The following WDR59 variants were observed in gnomAD, a reference collection of about 807,000 sequenced individuals.
The protein encoded by WDR59 is WD repeat domain 59, also known as GATOR2 complex protein WDR59.
In WDR59, 100 loss-of-function variants were observed where a neutral mutation model predicts 131.2. That is an observed-to-expected ratio of 0.76 (90% CI 0.65 to 0.90). WDR59 has a LOEUF of 0.90. Ranked by LOEUF, WDR59 falls within the 40% of genes least tolerant of loss-of-function variation. The pLI is 0.00. For missense variants in WDR59, 1,203 were observed against 1,262.2 expected (o/e 0.95, Z 0.71); for synonymous variants, 601 against 466.2 (o/e 1.29, Z -3.72).
chr16:74,947,603 A>C (rs1253720427), intron 6 of WDR59, among the ~76,000 whole-genome samples: 1 of 152,184 alleles, frequency 6.6e-6, no homozygotes, highest in African/African-American at 2.4e-5. Context: ...TTTGTAACTA[A>C]AAAAAGAGAG....
chr16:74,936,918 A>T (rs993511507), intron 8 of WDR59, among the ~76,000 whole-genome samples: 1 of 152,166 alleles, frequency 6.6e-6, no homozygotes, highest in Non-Finnish European at 1.5e-5. Context: ...ATAACTTACA[A>T]CCCTAAGAGA....
At chr16:74,886,460 G>C (rs975534298) in intron 23 of WDR59, 64 bp from the exon 24 acceptor site, 2 of 1,588,220 alleles carry the variant, frequency 1.3e-6, no homozygotes, top group Middle Eastern at 2.3e-4. Context: ...TATCTGAAGA[G>C]TCTCATAAGA....
At chr16:74,904,540 G>C (rs1366561991) in intron 17 of WDR59, among the ~76,000 whole-genome samples, 1 of 152,180 alleles carries the variant, frequency 6.6e-6, no homozygotes, top group East Asian at 1.9e-4. Flanking sequence ...TACAACGATG[G>C]AGAAATATAC....
At chr16:74,979,838 C>CTTTTTTTTTTTTTTT (rs56943510) in intron 1 of WDR59, among the ~76,000 whole-genome samples, 1 of 60,472 alleles carries the variant, frequency 1.7e-5, no homozygotes. Context: ...CACACCCGGC[C>CTTTTTTTTTTTTTTT]TTTTTTTTTT....
chr16:74,964,686 T>C (rs10871299), intron 2 of WDR59, among the ~76,000 whole-genome samples: 83,088 of 151,556 alleles, frequency 0.55, 23,824 homozygotes, highest in East Asian at 0.77. Flanking sequence ...TTAATGAAAA[T>C]ACAGTGGATC....
intron 4 of WDR59, among the ~76,000 whole-genome samples, chr16:74,951,159 C>CCAAA (rs2032973529): frequency 1.3e-5 from 1 of 74,654 alleles, no homozygotes; most frequent in African/African-American, 5.5e-5. Context: ...GACTTCGTCT[C>CCAAA]AAAAAAAAAA....
At chr16:74,902,280 G>A (rs555090339) in intron 18 of WDR59, among the ~76,000 whole-genome samples, 106 of 152,134 alleles carry the variant, frequency 7.0e-4, no homozygotes, top group African/African-American at 2.5e-3. Flanking sequence ...TACGGGGCTC[G>A]AACCACCCAC....
intron 6 of WDR59, among the ~76,000 whole-genome samples, chr16:74,946,435 T>G (rs1057331498): frequency 8.6e-5 from 13 of 151,722 alleles, no homozygotes; most frequent in African/African-American, 3.1e-4. Flanking sequence ...AAAGAAATGG[T>G]TTCTGCCCGG....
intron 9 of WDR59, among the ~76,000 whole-genome samples, chr16:74,923,628 C>T (rs902263143): frequency 7.2e-5 from 11 of 152,090 alleles, no homozygotes; most frequent in African/African-American, 2.7e-4. Context: ...CAGGCATATG[C>T]CACCACACCT....
At chr16:74,970,846 A>G (rs1398368180) in intron 1 of WDR59, among the ~76,000 whole-genome samples, 2 of 151,874 alleles carry the variant, frequency 1.3e-5, no homozygotes, top group African/African-American at 4.8e-5. Context: ...GGAGCCCAGG[A>G]GTTCGAGACC....
chr16:74,946,916 C>G (rs749484804), intron 6 of WDR59, among the ~76,000 whole-genome samples: 1 of 146,118 alleles, frequency 6.8e-6, no homozygotes, highest in Non-Finnish European at 1.5e-5. Flanking sequence ...GAGATACAAA[C>G]GGACAGAATT....
chr16:74,970,114 A>G (rs2033922721), intron 1 of WDR59, among the ~76,000 whole-genome samples: 1 of 152,080 alleles, frequency 6.6e-6, no homozygotes, highest in South Asian at 2.1e-4. Flanking sequence ...TGGTAGAGAT[A>G]GTGTTTCACC....
chr16:74,984,741 C>G, intron 1 of WDR59: 1 of 604,128 alleles, frequency 1.7e-6, no homozygotes, highest in South Asian at 2.0e-5. Context: ...CACTCCCCTA[C>G]CCGCGTAGGG....
At chr16:74,941,664 C>T (rs1470096030) in intron 7 of WDR59, among the ~76,000 whole-genome samples, 2 of 150,936 alleles carry the variant, frequency 1.3e-5, no homozygotes, top group African/African-American at 2.4e-5. Context: ...TGTACTCCAG[C>T]CTGGACGACA....
chr16:74,985,091 C>A lies in WDR59; in HGVS notation c.-74G>T. ...CCGTCCCCAGTATCCCGGGACCGTGCGCCCCACACAGCCAGAGAATCAGCC... is the reference window on the plus strand; with the variant it reads ...CCGTCCCCAGTATCCCGGGACCGTGAGCCCCACACAGCCAGAGAATCAGCC... On this transcript the variant is annotated 5_prime_UTR_variant, in exon 1 of 26. Coordinates refer to ENST00000262144, the MANE Select transcript of WDR59 (RefSeq NM_030581.4). 7.1e-7 allele frequency: 1 copy of A among 1,415,198 alleles called. No homozygotes were observed. Among genetic ancestry groups the A allele is most frequent in the Non-Finnish European group, 9.7e-7 (1 of 1,025,944 alleles). 87.7% of individuals were successfully genotyped at this position (1,415,198 alleles called of 1,614,324 possible). A position where few individuals can be genotyped will look rare whatever the true frequency, so the allele number is the denominator to read the frequency against.
At chr16:74,954,544 T>C (rs2033184176) in intron 3 of WDR59, among the ~76,000 whole-genome samples, 1 of 152,218 alleles carries the variant, frequency 6.6e-6, no homozygotes, top group Non-Finnish European at 1.5e-5. Context: ...TGTGCATTGC[T>C]GATGGGAGTA....
At chr16:74,975,857 A>G (rs903523834) in intron 1 of WDR59, among the ~76,000 whole-genome samples, 1 of 144,864 alleles carries the variant, frequency 6.9e-6, no homozygotes, top group Non-Finnish European at 1.5e-5. Context: ...AATTTTCTAG[A>G]AAAAAAAAAT....
At chr16:74,911,262 C>T (rs949304067) in intron 14 of WDR59, among the ~76,000 whole-genome samples, 8 of 152,148 alleles carry the variant, frequency 5.3e-5, no homozygotes, top group African/African-American at 9.7e-5. Flanking sequence ...AACTAGGCAA[C>T]GGCATATTCA....
intron 1 of WDR59, among the ~76,000 whole-genome samples, chr16:74,972,166 T>C (rs1438921820): frequency 2.0e-5 from 3 of 152,204 alleles, no homozygotes; most frequent in African/African-American, 7.2e-5. Flanking sequence ...GATGGTGACT[T>C]TTGGCACACT....
Sources: gnomAD v4.1 joint callset for allele counts (sites outside exome capture counted in the v4.1 genomes callset) on GRCh38, gnomAD v4.1.1 for gene constraint, MANE v1.5 for transcripts, NCBI Gene and HGNC (gene_info 2026-07-23, HGNC 2026-07-21) for gene names.